ZNF407: variants seen among roughly 807,000 people sequenced by gnomAD.
ZNF407 encodes zinc finger protein 407.
In ZNF407, 17 loss-of-function variants were observed where a neutral mutation model predicts 131.2. That is an observed-to-expected ratio of 0.13 (90% CI 0.09 to 0.19). The LOEUF (loss-of-function observed/expected upper bound fraction) is 0.19. Ranked by LOEUF, ZNF407 falls within the 10% of genes least tolerant of loss-of-function variation. ZNF407 has a pLI of 1.00. For synonymous variants in ZNF407, 1,156 were observed against 1,062.0 expected, an observed-to-expected ratio of 1.09 and a Z score of -1.72; for missense variants, 2,681 against 2,830.6, an observed-to-expected ratio of 0.95 and a Z score of 1.20.
At chr18:74,910,725 A>G (rs140504223) in intron 7 of ZNF407, among the ~76,000 whole-genome samples, 18 of 152,278 alleles carry the variant, frequency 1.2e-4, no homozygotes, top group African/African-American at 4.3e-4. Context: ...TAATGATTAG[A>G]GTTTCATTAA....
chr18:75,002,931 C>T (rs1479749351), intron 8 of ZNF407, among the ~76,000 whole-genome samples: 3 of 152,182 alleles, frequency 2.0e-5, no homozygotes, highest in Non-Finnish European at 4.4e-5. Context: ...TTCCCCTACT[C>T]CATTTCTCTT....
rs984315087 is a variant in ZNF407, at chr18:74,955,114, A to T, written c.5428+34422A>T. 5.3e-5 allele frequency among the ~76,000 whole-genome samples: 8 copies of T among 152,084 alleles called. No homozygotes were observed. The East Asian group carries it at 5.8e-4, about 11-fold the overall frequency. On this transcript the variant is annotated intron_variant, in intron 8 of 8. Coordinates refer to ENST00000299687, the MANE Select transcript of ZNF407 (RefSeq NM_017757.3). Reference sequence around the variant, plus strand: ...GAAGGAGTGAGTGAATCCAGTTAGGAGTTTGGAACCCTGAGGGTAGTGCTG... The same window carrying T: ...GAAGGAGTGAGTGAATCCAGTTAGGTGTTTGGAACCCTGAGGGTAGTGCTG...
intron 8 of ZNF407, among the ~76,000 whole-genome samples, chr18:75,057,840 A>AT (rs1237101331): frequency 2.0e-5 from 3 of 152,102 alleles, no homozygotes; most frequent in Non-Finnish European, 2.9e-5. Flanking sequence ...TTACTGCAAA[A>AT]TTTTTTAGTC....
intron 3 of ZNF407, among the ~76,000 whole-genome samples, chr18:74,745,385 AAT>A (rs986672975): frequency 1.3e-5 from 2 of 152,152 alleles, no homozygotes; most frequent in Non-Finnish European, 2.9e-5. Flanking sequence ...CAAAAAAAAA[AAT>A]ATTCTCAATC....
rs764316814 is a variant in ZNF407 at position 75,063,611 on chromosome 18, A to G, written c.5890A>G (p.Ile1964Val). ...DESLSPGGAV[I>V]QQVTKQEILN... ...GTCCCTCAGTCCAGGTGGCGCTGTG[A>G]TACAACAGGTGACCAAGCAGGAGAT... is the stretch of plus-strand genomic sequence containing the variant. Residue 1964 changes from isoleucine (I) to valine (V), a missense_variant, in exon 9 of 9, where the codon ATA becomes GTA. Transcript: ENST00000299687. The surrounding 1 kb of genome is among the most constrained non-coding windows in gnomAD (Gnocchi z 6.6). 4.4e-6 allele frequency: 7 copies of G among 1,580,000 alleles called. No individual in the cohort carries two copies. The highest frequency in any genetic ancestry group is 4.3e-6 in the Non-Finnish European group (5 of 1,164,454).
intron 8 of ZNF407, among the ~76,000 whole-genome samples, chr18:75,054,463 G>T (rs867018817): frequency 1.3e-4 from 20 of 152,260 alleles, no homozygotes; most frequent in African/African-American, 4.8e-4. Flanking sequence ...AGTGAATGTG[G>T]GTTTTTTTAT....
chr18:74,883,534 G>A (rs1187169792), intron 6 of ZNF407, among the ~76,000 whole-genome samples: 1 of 152,198 alleles, frequency 6.6e-6, no homozygotes, highest in Admixed American at 6.5e-5. Flanking sequence ...CCAGGGGGCT[G>A]ACACAAAACA....
At position 74,635,409 on chromosome 18, in the gene ZNF407, G is replaced by A; in HGVS notation, c.4390G>A (p.Ala1464Thr). The A allele has an allele frequency of 6.2e-7, 1 of 1,613,786 alleles. No individual in the cohort carries two copies. Among genetic ancestry groups the A allele is most frequent in the East Asian group, 2.2e-5 (1 of 44,878 alleles). The change falls in exon 2 of 9, where the codon GCT becomes ACT. Residue 1464 changes from alanine to threonine, a missense_variant. Physicochemically the swap from Ala to Thr is moderately conservative, Grantham distance 58 (BLOSUM62 0). Around this residue, in one of 6 missense-constraint regions of ZNF407, gnomAD observed 213 missense variants for 332.2 expected, o/e 0.64. Coordinates refer to ENST00000299687, the MANE Select transcript of ZNF407 (RefSeq NM_017757.3). This position sits in a 1 kb window ranked among gnomAD's most constrained non-coding sequence, Gnocchi z 4.7. ...CGAAAGCAACCTTCACCAGCATCTGGCTAGTGCCGGCCACATGAGAAATGA... is the reference window on the plus strand; with the variant it reads ...CGAAAGCAACCTTCACCAGCATCTGACTAGTGCCGGCCACATGAGAAATGA... ...YTESNLHQHL[A>T]SAGHMRNEQA...
chr18:74,632,597 G>A lies in ZNF407; in HGVS notation c.1578G>A (p.Thr526=), dbSNP rs7227391. Residue 526 remains threonine (T), a synonymous_variant, in exon 2 of 9, where the codon ACG becomes ACA. Coordinates refer to ENST00000299687, the MANE Select transcript of ZNF407 (RefSeq NM_017757.3). ...TGAAGCCAGCTTCTGGCTCTCAGAC[G>A]TTGTGTGCTTGTACAGACTGTGGGC... The part of the protein sequence containing the change: ...LTVKPASGSQ[T]LCACTDCGQV... 0.12 allele frequency: 198,557 copies of A among 1,613,962 alleles called. 13,458 individuals carry two copies. The highest frequency in any genetic ancestry group is 0.14 in the Non-Finnish European group (167,516 of 1,179,886).
intron 8 of ZNF407, among the ~76,000 whole-genome samples, chr18:74,966,353 TA>T (rs1972409480): frequency 6.6e-6 from 1 of 152,196 alleles, no homozygotes; most frequent in South Asian, 2.1e-4. Context: ...TGGTGAGAAA[TA>T]GGGGTCTAGT....
intron 4 of ZNF407, among the ~76,000 whole-genome samples, chr18:74,845,285 C>A (rs186281522): frequency 6.6e-6 from 1 of 152,154 alleles, no homozygotes; most frequent in Non-Finnish European, 1.5e-5. Flanking sequence ...AATCAACCAG[C>A]GGTGTTTGGT....
At chr18:74,781,638 T>C (rs1476368370) in intron 4 of ZNF407, 136 bp downstream of exon 4, 1 of 597,664 alleles carries the variant, frequency 1.7e-6, no homozygotes, top group Non-Finnish European at 2.7e-6. Context: ...TTTTGTCAAA[T>C]ATCATATTTT....
chr18:74,708,060 A>G (rs111338867), intron 3 of ZNF407, among the ~76,000 whole-genome samples: 40 of 152,184 alleles, frequency 2.6e-4, no homozygotes, highest in East Asian at 7.7e-4. Context: ...GTAAATTACT[A>G]TTGTGCATGA....
intron 4 of ZNF407, among the ~76,000 whole-genome samples, chr18:74,857,240 G>A (rs1970871979): frequency 6.6e-6 from 1 of 152,080 alleles, no homozygotes; most frequent in South Asian, 2.1e-4. Flanking sequence ...TGTTTCAGAT[G>A]GCTAACACAG....
intron 4 of ZNF407, among the ~76,000 whole-genome samples, chr18:74,811,453 G>T (rs1228407899): frequency 6.6e-6 from 1 of 152,158 alleles, no homozygotes; most frequent in Admixed American, 6.5e-5. Flanking sequence ...AACCATTGTG[G>T]AAGTCAGTGT....
At chr18:74,856,151 T>C (rs1970856451) in intron 4 of ZNF407, among the ~76,000 whole-genome samples, 1 of 152,230 alleles carries the variant, frequency 6.6e-6, no homozygotes, top group Non-Finnish European at 1.5e-5. Flanking sequence ...ATATTGGAGA[T>C]GCAGATTTTT....
chr18:74,766,415 G>A (rs1241809312), intron 3 of ZNF407, among the ~76,000 whole-genome samples: 2 of 152,198 alleles, frequency 1.3e-5, no homozygotes, highest in East Asian at 1.9e-4. Context: ...ATTGTGGAGA[G>A]TGGTCAAAGG....
At chr18:74,698,162 C>A (rs1274590118) in intron 3 of ZNF407, among the ~76,000 whole-genome samples, 2 of 152,170 alleles carry the variant, frequency 1.3e-5, no homozygotes, top group South Asian at 4.1e-4. Context: ...GGATATAAAT[C>A]ATAATCCTGA....
At chr18:74,797,516 T>A (rs1969942378) in intron 4 of ZNF407, among the ~76,000 whole-genome samples, 1 of 152,220 alleles carries the variant, frequency 6.6e-6, no homozygotes, top group South Asian at 2.1e-4. Flanking sequence ...ATGTGACACA[T>A]CTGGTACAGA....
Sources: gnomAD v4.1 joint callset for allele counts (sites outside exome capture counted in the v4.1 genomes callset) on GRCh38, gnomAD v4.1.1 for gene constraint, gnomAD v4.1.1 regional missense constraint, Gnocchi (gnomAD v3.1) non-coding constraint, MANE v1.5 for transcripts, NCBI Gene and HGNC (gene_info 2026-07-23, HGNC 2026-07-21) for gene names.